The following CPVL variants were observed in gnomAD, a reference collection of about 807,000 sequenced individuals.
The protein encoded by CPVL is probable serine carboxypeptidase CPVL.
CPVL carries 51 observed loss-of-function variants against 63.7 expected under a neutral mutation model. The ratio of observed to expected loss-of-function variants is 0.80; its 90% CI spans 0.64 to 1.01. The LOEUF is 1.01. CPVL is among the 50% of genes least tolerant of loss of function. The probability of loss-of-function intolerance (pLI) is 0.00; values close to 1 mark genes in which losing one functional copy is unlikely to be tolerated. For synonymous variants in CPVL, 195 were observed against 206.0 expected (o/e 0.95, Z 0.46); for missense variants, 530 against 573.1 (o/e 0.92, Z 0.77).
chr7:29,187,770 G>A (rs768445192), intron 1 of CPVL, among the ~76,000 whole-genome samples: 1 of 152,022 alleles, frequency 6.6e-6, no homozygotes, highest in East Asian at 1.9e-4. Context: ...CTGATGTATT[G>A]TCAACATCCA....
chr7:29,071,708 C>CGGGGCG, intron 9 of CPVL, 65 bp downstream of exon 9: 1 of 714,240 alleles, frequency 1.4e-6, no homozygotes. Context: ...TGTTCCTGCT[C>CGGGGCG]ACCCGCCCTC....
intron 1 of CPVL, among the ~76,000 whole-genome samples, chr7:29,139,676 T>C (rs1791647750): frequency 6.6e-6 from 1 of 152,176 alleles, no homozygotes; most frequent in African/African-American, 2.4e-5. Context: ...ACACCAATGT[T>C]CAGGCACACG....
At chr7:29,017,932 C>T (rs1464709012) in intron 12 of CPVL, among the ~76,000 whole-genome samples, 2 of 152,218 alleles carry the variant, frequency 1.3e-5, no homozygotes, top group Non-Finnish European at 2.9e-5. Flanking sequence ...AGTCACTTAA[C>T]CTCTGGGTTT....
intron 2 of CPVL, among the ~76,000 whole-genome samples, chr7:29,115,622 G>T (rs1268537277): frequency 1.7e-5 from 2 of 115,818 alleles, no homozygotes; most frequent in Non-Finnish European, 3.4e-5. Flanking sequence ...AAATCAAACA[G>T]ATACCACCCC....
At chr7:29,100,172 A>C (rs1434371554) in intron 3 of CPVL, among the ~76,000 whole-genome samples, 8 of 152,218 alleles carry the variant, frequency 5.3e-5, no homozygotes, top group Admixed American at 5.2e-4. Context: ...CCAGCCTCCC[A>C]GGGAGTGTGA....
chr7:29,165,089 A>G (rs11975309), intron 5 of CPVL, among the ~76,000 whole-genome samples: 160 of 152,228 alleles, frequency 1.1e-3, no homozygotes, highest in Non-Finnish European at 1.8e-3. Context: ...TTTCTAAAAA[A>G]CAAGCCTGCT....
At chr7:29,062,464 G>GT (rs1782719037) in intron 11 of CPVL, among the ~76,000 whole-genome samples, 2 of 152,214 alleles carry the variant, frequency 1.3e-5, no homozygotes, top group Non-Finnish European at 2.9e-5. Flanking sequence ...TTCCAAGAAA[G>GT]TAAGTATTTC....
At chr7:29,020,991 C>T (rs1164192023) in intron 12 of CPVL, among the ~76,000 whole-genome samples, 1 of 152,080 alleles carries the variant, frequency 6.6e-6, no homozygotes, top group Admixed American at 6.6e-5. Context: ...GCCTGGCCAA[C>T]AAGGTGAAAC....
intron 11 of CPVL, among the ~76,000 whole-genome samples, chr7:29,041,808 G>A (rs1789119817): frequency 6.6e-6 from 1 of 151,864 alleles, no homozygotes; most frequent in African/African-American, 2.4e-5. Flanking sequence ...TGAAGACTCA[G>A]TACAAAGAAA....
chr7:29,098,318 A>G (rs1208163149), intron 3 of CPVL, among the ~76,000 whole-genome samples: 1 of 152,144 alleles, frequency 6.6e-6, no homozygotes, highest in Non-Finnish European at 1.5e-5. Flanking sequence ...GAACTTTCCC[A>G]GTCACCAAGA....
intron 1 of CPVL, among the ~76,000 whole-genome samples, chr7:29,125,580 GC>G (rs1281827072): frequency 6.6e-6 from 1 of 151,594 alleles, no homozygotes; most frequent in Non-Finnish European, 1.5e-5. Context: ...TTTAGTAGAG[GC>G]GGGGTTTCAC....
At chr7:29,098,410 G>A (rs1180717757) in intron 3 of CPVL, among the ~76,000 whole-genome samples, 3 of 152,188 alleles carry the variant, frequency 2.0e-5, no homozygotes, top group Non-Finnish European at 2.9e-5. Context: ...ATGGCCATGA[G>A]CTGGGGCACA....
At chr7:29,165,420 G>T (rs1396545755) in intron 5 of CPVL, among the ~76,000 whole-genome samples, 1 of 151,998 alleles carries the variant, frequency 6.6e-6, no homozygotes, top group African/African-American at 2.4e-5. Context: ...CAATATTTTT[G>T]TGTGTGTAGG....
intron 12 of CPVL, among the ~76,000 whole-genome samples, chr7:29,015,457 T>C (rs911811896): frequency 1.3e-5 from 2 of 152,178 alleles, no homozygotes; most frequent in Non-Finnish European, 2.9e-5. Context: ...CTGGCAATAC[T>C]GAGTGAGTTC....
intron 11 of CPVL, among the ~76,000 whole-genome samples, chr7:29,033,424 G>C (rs317752): frequency 0.28 from 42,249 of 152,034 alleles, 7,502 homozygotes; most frequent in African/African-American, 0.51. Flanking sequence ...AAGTTCCAGG[G>C]AGGAACTTAG....
intron 12 of CPVL, chr7:29,011,622 A>G (rs754574249): frequency 5.3e-5 from 8 of 152,220 alleles, no homozygotes; most frequent in Non-Finnish European, 1.0e-4. Flanking sequence ...GCATCCACAC[A>G]TATACATAGA....
At chr7:29,098,154 A>G (rs1786642078) in intron 3 of CPVL, among the ~76,000 whole-genome samples, 1 of 152,170 alleles carries the variant, frequency 6.6e-6, no homozygotes, top group African/African-American at 2.4e-5. Context: ...TGTTGTTGGA[A>G]GGTCTGAGTG....
At position 29,170,342 on chromosome 7, in the gene CPVL, C is replaced by T. The variant is rs142945363; in HGVS notation, c.-11+10948G>A. On this transcript the variant is annotated intron_variant, in intron 5 of 16. Transcript: ENST00000409850. Reference sequence around the variant, plus strand: ...TCTTCAAACACAAGATTTTAATATGCTTTCCTTCATGTCAGTGTTCCTTTT... The same window carrying T: ...TCTTCAAACACAAGATTTTAATATGTTTTCCTTCATGTCAGTGTTCCTTTT... Among the ~76,000 whole-genome samples, 120 of 152,276 alleles carry T rather than the reference C, an allele frequency of 7.9e-4. 3 individuals are homozygous for T. In the East Asian group the frequency reaches 0.02, roughly 26 times the overall value.
At chr7:29,148,396 G>A (rs964031752), upstream of CPVL, 2 of 152,130 alleles carry the variant, frequency 1.3e-5, no homozygotes, top group African/African-American at 4.8e-5. Context: ...GTAACCTCAA[G>A]GCTATAAATG....
Sources: allele counts gnomAD v4.1 joint callset (sites outside exome capture counted in the v4.1 genomes callset), GRCh38; gene constraint gnomAD v4.1.1; transcripts MANE v1.5; gene names NCBI Gene and HGNC (gene_info 2026-07-23, HGNC 2026-07-21).